Variants in SCGB1A1 observed in about 807,000 individuals in gnomAD.
The protein encoded by SCGB1A1 is secretoglobin family 1A member 1.
SCGB1A1 carries 8 observed loss-of-function variants against 7.5 expected under a neutral mutation model. The ratio of observed to expected loss-of-function variants is 1.07; its 90% CI spans 0.63 to 1.92. The LOEUF (loss-of-function observed/expected upper bound fraction) is 1.92, where lower values mean the gene tolerates loss of function less well. Ranked by LOEUF, SCGB1A1 falls within the 30% of genes most tolerant of loss-of-function variation. SCGB1A1 has a pLI of 0.00. For missense variants in SCGB1A1, 121 were observed against 112.7 expected, an observed-to-expected ratio of 1.07 and a Z score of -0.33; for synonymous variants, 44 against 40.8, an observed-to-expected ratio of 1.08 and a Z score of -0.30.
At chr11:62,422,000 G>A (rs773519688) in intron 1 of SCGB1A1, 7 of 396,138 alleles carry the variant, frequency 1.8e-5, no homozygotes, top group Non-Finnish European at 2.7e-5. Context: ...ACTCTGCCTT[G>A]ATCTCCAACA....
intron 1 of SCGB1A1, among the ~76,000 whole-genome samples, chr11:62,421,307 G>A (rs1165719009): frequency 6.6e-6 from 1 of 152,138 alleles, no homozygotes; most frequent in East Asian, 1.9e-4. Flanking sequence ...AACAGAGTCT[G>A]GAAGCTCTGT....
chr11:62,419,050 T>TCAGAGACGGAAC lies in SCGB1A1; in HGVS notation c.-36_-25dup. On this transcript the variant is annotated 5_prime_UTR_variant, in exon 1 of 3. Coordinates refer to ENST00000278282, the MANE Select transcript of SCGB1A1 (RefSeq NM_003357.5). ...CATGTCTCATACTAGCCCACCAGAC[T>TCAGAGACGGAAC]CAGAGACGGAACCAGAGACGGGCCA... 1 of 1,540,744 alleles carries TCAGAGACGGAAC rather than the reference T, an allele frequency of 6.5e-7. No homozygotes were observed.
rs1937715911 is a variant in SCGB1A1 at position 62,419,128 on chromosome 11, A to G, written c.33A>G (p.Thr11=). 6.3e-7 allele frequency: 1 copy of G among 1,584,448 alleles called. No individual in the cohort carries two copies. Among genetic ancestry groups the G allele is most frequent in the Non-Finnish European group, 8.6e-7 (1 of 1,162,742 alleles). MKLAVTLTLV[T]LALCCSSASA... ...TCGCTGTCACCCTCACCCTGGTCAC[A>G]CTGGCTCTCTGCTGCAGCTCCGGTG... The change falls in exon 1 of 3, where the codon ACA becomes ACG. Residue 11 remains threonine, a synonymous_variant. Coordinates refer to ENST00000278282, the MANE Select transcript of SCGB1A1 (RefSeq NM_003357.5).
Position 62,419,079 on chromosome 11 carries a change from C to A in SCGB1A1, c.-17C>A. 1 of 1,583,398 alleles carries A rather than the reference C, an allele frequency of 6.3e-7. No homozygotes were observed. Among genetic ancestry groups the A allele is most frequent in the East Asian group, 2.3e-5 (1 of 43,210 alleles). ...AGACGGAACCAGAGACGGGCCAGAG[C>A]ATCCCCCTCCTCCACCATGAAACTC... is the stretch of plus-strand genomic sequence containing the variant. On this transcript the variant is annotated 5_prime_UTR_variant, in exon 1 of 3. Transcript: ENST00000278282.
chr11:62,419,756 C>T (rs776591223), intron 1 of SCGB1A1, among the ~76,000 whole-genome samples: 1 of 151,962 alleles, frequency 6.6e-6, no homozygotes, highest in Non-Finnish European at 1.5e-5. Context: ...GTAGTTGCTG[C>T]TGTCACTAAA....
In SCGB1A1 at chr11:62,422,220, G is replaced by A; in HGVS notation, c.56-1G>A. 6.2e-7 allele frequency: 1 copy of A among 1,607,072 alleles called. No homozygotes were observed. The highest frequency in any genetic ancestry group is 2.2e-5 in the East Asian group (1 of 44,716). ...TGTGCCTTCTCTCCTCTGTGTTGCA[G>A]CTTCTGCAGAGATCTGCCCGAGCTT... On this transcript the variant is annotated splice_acceptor_variant, in intron 1 of 2. Coordinates refer to ENST00000278282, the MANE Select transcript of SCGB1A1 (RefSeq NM_003357.5). LOFTEE classifies it high-confidence loss of function.
In SCGB1A1 at chr11:62,419,083, C is replaced by A; in HGVS notation, c.-13C>A. 1.3e-6 allele frequency: 2 copies of A among 1,584,676 alleles called. No homozygotes were observed. The highest frequency in any genetic ancestry group is 1.7e-6 in the Non-Finnish European group (2 of 1,163,178). The stretch of plus-strand genomic sequence containing the variant: ...GGAACCAGAGACGGGCCAGAGCATC[C>A]CCCTCCTCCACCATGAAACTCGCTG... On this transcript the variant is annotated 5_prime_UTR_variant, in exon 1 of 3. Transcript: ENST00000278282.
Position 62,422,285 on chromosome 11 carries a change from C to T in SCGB1A1, c.120C>T (p.Ser40=), listed in dbSNP as rs1937815795. ...AAACCCTCCTCATGGACACACCCTC[C>T]AGTTATGAGGCTGCCATGGAACTTT... ...VIETLLMDTP[S]SYEAAMELFS... is the part of the protein sequence containing the mutation. Residue 40 remains serine (S), a synonymous_variant, in exon 2 of 3, where the codon TCC becomes TCT. Transcript: ENST00000278282. 6.2e-7 allele frequency: 1 copy of T among 1,614,074 alleles called. No individual in the cohort carries two copies. The highest frequency in any genetic ancestry group is 1.3e-5 in the African/African-American group (1 of 75,048).
intron 1 of SCGB1A1, among the ~76,000 whole-genome samples, chr11:62,420,900 A>T (rs915124534): frequency 2.0e-5 from 3 of 151,828 alleles, no homozygotes; most frequent in Admixed American, 6.6e-5. Context: ...GCATCACTGC[A>T]CTCCAGCCTG....
At position 62,420,086 on chromosome 11, in the gene SCGB1A1, T is replaced by C. The variant is rs118153735; in HGVS notation, c.55+936T>C. Among the ~76,000 whole-genome samples the C allele has an allele frequency of 4.4e-3, 677 of 152,280 alleles. 3 individuals are homozygous for C. The highest frequency in any genetic ancestry group is 7.8e-3 in the Non-Finnish European group (532 of 68,030). ...CTATTTTGCAGAGAGGTTTATTTGT[T>C]TTTCAGAGAAAATGACATCATTTTG... On this transcript the variant is annotated intron_variant, in intron 1 of 2. Transcript: ENST00000278282.
In SCGB1A1 at chr11:62,422,405, C is replaced by T. The variant is rs773326737; in HGVS notation, c.240C>T (p.Leu80=). The change falls in exon 2 of 3, where the codon CTC becomes CTT. Residue 80 remains leucine, a synonymous_variant. Coordinates refer to ENST00000278282, the MANE Select transcript of SCGB1A1 (RefSeq NM_003357.5). ...AGCCCAGAGAAAGCATCATTAAGCTCATGGTAACCAGCACCTTTCACGTCA... is the reference window on the plus strand; with the variant it reads ...AGCCCAGAGAAAGCATCATTAAGCTTATGGTAACCAGCACCTTTCACGTCA... ...PQKPRESIIK[L]MEKIAQSSLC... is the part of the protein sequence containing the mutation. 1.9e-6 allele frequency: 3 copies of T among 1,611,004 alleles called. No individual in the cohort carries two copies. The South Asian group carries it at 3.3e-5, about 18-fold the overall frequency.
At chr11:62,419,496 A>C (rs932150113) in intron 1 of SCGB1A1, among the ~76,000 whole-genome samples, 2 of 152,008 alleles carry the variant, frequency 1.3e-5, no homozygotes, top group African/African-American at 4.8e-5. Flanking sequence ...ATCTGGACAG[A>C]CTCCAAGATG....
intron 1 of SCGB1A1, 136 bp from the exon 2 acceptor site, chr11:62,422,085 C>T (rs965313949): frequency 3.2e-6 from 2 of 631,650 alleles, no homozygotes; most frequent in Admixed American, 6.1e-5. Context: ...AAATCTTACA[C>T]TCTAGTCCAT....
intron 1 of SCGB1A1, among the ~76,000 whole-genome samples, chr11:62,420,283 G>A (rs994163536): frequency 6.7e-6 from 1 of 149,862 alleles, no homozygotes; most frequent in Non-Finnish European, 1.5e-5. Flanking sequence ...GCCAATCACT[G>A]TCACCCTTTC....
chr11:62,420,554 C>T (rs1337330303), intron 1 of SCGB1A1, among the ~76,000 whole-genome samples: 4 of 151,036 alleles, frequency 2.6e-5, no homozygotes, highest in African/African-American at 9.7e-5. Context: ...CCTCGTGATC[C>T]ACCCACCTAG....
intron 2 of SCGB1A1, 66 bp downstream of exon 2, chr11:62,422,474 C>T: frequency 7.2e-7 from 1 of 1,388,718 alleles, no homozygotes. Context: ...GCAGGATTGC[C>T]CCAGTTTTCA....
chr11:62,422,958 C>T (rs1565188646), intron 2 of SCGB1A1, 101 bp from the exon 3 acceptor site: 7 of 1,090,090 alleles, frequency 6.4e-6, no homozygotes, highest in African/African-American at 3.1e-5. Context: ...CTGCACCTCT[C>T]GGTTAATGTT....
chr11:62,422,525 G>A (rs1382526850), intron 2 of SCGB1A1, 117 bp downstream of exon 2: 1 of 755,218 alleles, frequency 1.3e-6, no homozygotes, highest in East Asian at 2.8e-5. Context: ...CAGTGCCACT[G>A]TCCCCAGGCA....
intron 1 of SCGB1A1, 46 bp downstream of exon 1, chr11:62,419,196 T>A: frequency 7.2e-7 from 1 of 1,379,834 alleles, no homozygotes; most frequent in Non-Finnish European, 9.6e-7. Flanking sequence ...TTAGGAACTC[T>A]CAGGACCCCC....
Sources: allele counts gnomAD v4.1 joint callset (sites outside exome capture counted in the v4.1 genomes callset), GRCh38; gene constraint gnomAD v4.1.1; transcripts MANE v1.5; gene names NCBI Gene and HGNC (gene_info 2026-07-23, HGNC 2026-07-21).